EIF3B: variants seen among roughly 807,000 people sequenced by gnomAD.
EIF3B encodes the protein eukaryotic translation initiation factor 3 subunit B.
Under a neutral mutation model 104.6 loss-of-function variants are expected in EIF3B, and 10 were observed. The ratio of observed to expected loss-of-function variants is 0.10; its 90% CI spans 0.06 to 0.16. The LOEUF (loss-of-function observed/expected upper bound fraction) is 0.16, where lower values mean the gene tolerates loss of function less well. Among genes scored for constraint, EIF3B ranks in the 10% least tolerant of loss-of-function variants. EIF3B has a pLI of 1.00. For missense variants in EIF3B, 1,014 were observed against 1,087.9 expected, an observed-to-expected ratio of 0.93 and a Z score of 0.96; for synonymous variants, 542 against 417.2, an observed-to-expected ratio of 1.30 and a Z score of -3.65.
chr7:2,355,633 G>A (rs939390861), intron 1 of EIF3B, among the ~76,000 whole-genome samples: 3 of 152,182 alleles, frequency 2.0e-5, no homozygotes, highest in Admixed American at 6.5e-5. Context: ...CTGAAAAAGG[G>A]GACAGGGTGG....
rs186347766 is a variant in EIF3B, at chr7:2,375,660, G to A, written c.2028+133G>A. ...CTGTGTTGAACAGAAGCCTTGGCTG[G>A]TGTTAGTGGCAGGAGGAGGAGGATT... On this transcript the variant is annotated intron_variant, in intron 14 of 18. Transcript: ENST00000360876. The A allele has an allele frequency of 5.3e-6, 7 of 1,330,586 alleles. No individual in the cohort carries two copies. In the African/African-American group the frequency reaches 5.8e-5, roughly 11 times the overall value. 82.4% of individuals were successfully genotyped at this position (1,330,586 alleles called of 1,614,324 possible).
intron 5 of EIF3B, 51 bp downstream of exon 5, chr7:2,363,811 T>C: frequency 6.4e-7 from 1 of 1,572,532 alleles, no homozygotes; most frequent in Non-Finnish European, 8.6e-7. Flanking sequence ...CTGTATTTCC[T>C]TAACAAAGTG....
At chr7:2,379,287 G>A (rs1388720266) in intron 17 of EIF3B, 45 bp downstream of exon 17, 2 of 1,578,798 alleles carry the variant, frequency 1.3e-6, no homozygotes, top group South Asian at 2.3e-5. Context: ...CCCTTACGCT[G>A]CCCCTGGGCC....
intron 14 of EIF3B, 61 bp from the exon 15 acceptor site, chr7:2,376,889 A>G: frequency 6.4e-7 from 1 of 1,569,564 alleles, no homozygotes; most frequent in East Asian, 2.3e-5. Flanking sequence ...AGCAAGTGAC[A>G]TAGTCACGGT....
At chr7:2,360,937 G>A (rs916381600) in intron 2 of EIF3B, 35 bp downstream of exon 2, 1 of 1,533,100 alleles carries the variant, frequency 6.5e-7, no homozygotes, top group African/African-American at 1.4e-5. Flanking sequence ...TATCATCTGT[G>A]TCTGGCACGT....
At position 2,364,415 on chromosome 7, in the gene EIF3B, A is replaced by G. The variant is rs776107723; in HGVS notation, c.1043A>G (p.Tyr348Cys). Residue 348 changes from tyrosine (Y) to cysteine (C), a missense_variant, in exon 6 of 19, where the codon TAC (tyrosine) becomes TGC (cysteine). Tyr to Cys is a radical substitution (Grantham distance 194, BLOSUM62 -2). This residue lies in a region of EIF3B where 201 missense variants were observed against 240.7 expected (regional missense o/e 0.83). Transcript: ENST00000360876. The part of the protein sequence containing the change: ...TYVRWSPKGT[Y>C]LATFHQRGIA... Reference sequence around the variant, plus strand: ...GTGCGTTGGTCTCCTAAGGGCACCTACCTGGCTACCTTTCATCAAAGAGGC... The same window carrying G: ...GTGCGTTGGTCTCCTAAGGGCACCTGCCTGGCTACCTTTCATCAAAGAGGC... 5.0e-6 allele frequency: 8 copies of G among 1,613,074 alleles called. No homozygotes were observed. The highest frequency in any genetic ancestry group is 1.3e-5 in the African/African-American group (1 of 75,014).
intron 1 of EIF3B, among the ~76,000 whole-genome samples, chr7:2,356,090 A>T (rs1395400429): frequency 6.6e-6 from 1 of 151,774 alleles, no homozygotes; most frequent in Non-Finnish European, 1.5e-5. Flanking sequence ...TGTCTCAGAG[A>T]TTTTTTCCTG....
intron 15 of EIF3B, 102 bp from the exon 16 acceptor site, chr7:2,378,587 G>C: frequency 3.0e-6 from 3 of 1,014,216 alleles, no homozygotes; most frequent in Non-Finnish European, 4.5e-6. Flanking sequence ...GCTGTGTTCT[G>C]TGAATGGCTT....
intron 1 of EIF3B, among the ~76,000 whole-genome samples, chr7:2,358,828 C>T (rs936381988): frequency 2.0e-5 from 3 of 152,198 alleles, no homozygotes; most frequent in African/African-American, 7.2e-5. Flanking sequence ...TGAGCCTGGC[C>T]GTGTTCTAAA....
At chr7:2,377,163 T>C in intron 15 of EIF3B, 88 bp downstream of exon 15, 1 of 1,483,290 alleles carries the variant, frequency 6.7e-7, no homozygotes, top group Non-Finnish European at 9.0e-7. Context: ...ATTGTTAGGG[T>C]GGTGACTGGG....
chr7:2,374,398 T>C (rs1463000390), intron 12 of EIF3B, 130 bp from the exon 13 acceptor site: 5 of 746,050 alleles, frequency 6.7e-6, no homozygotes, highest in Non-Finnish European at 1.1e-5. Context: ...AAAATTGTTT[T>C]CCGAGGTGGT....
chr7:2,369,893 C>T (rs1780231397), intron 10 of EIF3B, among the ~76,000 whole-genome samples: 1 of 142,494 alleles, frequency 7.0e-6, no homozygotes, highest in Admixed American at 7.7e-5. Flanking sequence ...TCTTCTGCCT[C>T]AGCTTCCCAA....
chr7:2,375,127 G>C, intron 13 of EIF3B: 1 of 500,090 alleles, frequency 2.0e-6, no homozygotes, highest in African/African-American at 1.9e-5. Context: ...ACTTGCTACT[G>C]TATTTTTGGA....
rs770552909 is a variant in EIF3B, at chr7:2,360,760, G to T, written c.550G>T (p.Asp184Tyr). 3 of 1,601,888 alleles carry T rather than the reference G, an allele frequency of 1.9e-6. No individual in the cohort carries two copies. The South Asian group carries it at 3.3e-5, about 18-fold the overall frequency. ...KDRPQEADGI[D>Y]SVIVVDNVPQ... ...TCGGCCCCAGGAAGCAGATGGAATC[G>T]ATTCGGTGATTGTAGTGGACAATGT... Residue 184 changes from aspartate (D) to tyrosine (Y), a missense_variant, in exon 2 of 19, where the codon GAT (aspartate) becomes TAT (tyrosine). Coordinates refer to ENST00000360876, the MANE Select transcript of EIF3B (RefSeq NM_001037283.2).
intron 1 of EIF3B, among the ~76,000 whole-genome samples, chr7:2,355,626 A>G (rs1036113955): frequency 4.6e-5 from 7 of 151,680 alleles, no homozygotes; most frequent in African/African-American, 1.7e-4. Flanking sequence ...TTCTTTCCTG[A>G]AAAAGGGGAC....
chr7:2,366,608 A>C lies in EIF3B; in HGVS notation c.1356+17A>C. On this transcript the variant is annotated intron_variant, in intron 8 of 18. Coordinates refer to ENST00000360876, the MANE Select transcript of EIF3B (RefSeq NM_001037283.2). ...GAAACTCCTGTAAGTGGCCTCAGTGATGGCAAACGCCCCGTCCGGTCCTTG... is the reference window on the plus strand; with the variant it reads ...GAAACTCCTGTAAGTGGCCTCAGTGCTGGCAAACGCCCCGTCCGGTCCTTG... The C allele has an allele frequency of 6.2e-7, 1 of 1,614,078 alleles. No homozygotes were observed. The highest frequency in any genetic ancestry group is 2.2e-5 in the East Asian group (1 of 44,876).
chr7:2,370,923 C>T (rs1293905353), intron 10 of EIF3B, among the ~76,000 whole-genome samples: 2 of 152,082 alleles, frequency 1.3e-5, no homozygotes, highest in Non-Finnish European at 2.9e-5. Context: ...ATTAGCCAGG[C>T]GTGGTGGCGG....
At chr7:2,362,955 G>C (rs1391668402) in intron 3 of EIF3B, 115 bp from the exon 4 acceptor site, 1 of 1,465,632 alleles carries the variant, frequency 6.8e-7, no homozygotes, top group Non-Finnish European at 9.5e-7. Context: ...TGTTATGCCA[G>C]TCACAGCCCT....
intron 10 of EIF3B, among the ~76,000 whole-genome samples, chr7:2,371,207 CCTT>C (rs1298333051): frequency 2.6e-5 from 4 of 152,260 alleles, no homozygotes; most frequent in Admixed American, 6.5e-5. Context: ...TACTATGCCA[CCTT>C]CTGTGTTTGA....
Sources: allele counts gnomAD v4.1 joint callset (sites outside exome capture counted in the v4.1 genomes callset), GRCh38; gene constraint gnomAD v4.1.1; regional missense constraint gnomAD v4.1.1; transcripts MANE v1.5; gene names NCBI Gene and HGNC (gene_info 2026-07-23, HGNC 2026-07-21).